MYO18A: variants seen among roughly 807,000 people sequenced by gnomAD.
MYO18A encodes unconventional myosin-XVIIIa.
Under a neutral mutation model 235.8 loss-of-function variants are expected in MYO18A, and 78 were observed. The ratio of observed to expected loss-of-function variants is 0.33; its 90% CI spans 0.28 to 0.40. The LOEUF is 0.40. Ranked by LOEUF, MYO18A falls within the 10% of genes least tolerant of loss-of-function variation. MYO18A has a pLI of 1.00. For synonymous variants in MYO18A, 977 were observed against 1,077.8 expected, an observed-to-expected ratio of 0.91 and a Z score of 1.83; for missense variants, 2,215 against 2,699.3, an observed-to-expected ratio of 0.82 and a Z score of 3.98.
chr17:29,082,003 G>A lies in MYO18A; in HGVS notation c.6020+313C>T, dbSNP rs963579701. ...GTCCCCTGTGCCCCATCCCAGTTTT[G>A]ATTCCAAGGGTCTGAACTATCAGGA... On this transcript the variant is annotated intron_variant, in intron 41 of 41. Coordinates refer to ENST00000527372, the MANE Select transcript of MYO18A (RefSeq NM_078471.4). Among the ~76,000 whole-genome samples, 5 of 152,322 alleles carry A rather than the reference G, an allele frequency of 3.3e-5. No homozygotes were observed. In the East Asian group the frequency reaches 9.6e-4, roughly 29 times the overall value.
intron 2 of MYO18A, among the ~76,000 whole-genome samples, chr17:29,157,800 G>A (rs756957315): frequency 1.3e-5 from 2 of 150,130 alleles, no homozygotes; most frequent in African/African-American, 2.5e-5. Flanking sequence ...TTTTTCTTTC[G>A]AGACAGGGTC....
intron 1 of MYO18A, among the ~76,000 whole-genome samples, chr17:29,175,232 G>A (rs2068496581): frequency 6.6e-6 from 1 of 152,074 alleles, no homozygotes; most frequent in African/African-American, 2.4e-5. Context: ...TGGATTATAG[G>A]CATGGGCCAC....
rs918540987 is a variant in MYO18A at position 29,074,734 on chromosome 17, C to A, written c.*36G>T. On this transcript the variant is annotated 3_prime_UTR_variant, in exon 42 of 42. Coordinates refer to ENST00000527372, the MANE Select transcript of MYO18A (RefSeq NM_078471.4). The surrounding 1 kb of genome is among the most constrained non-coding windows in gnomAD (Gnocchi z 4.4). ...GGAGAGGTGCCCAGGCAGCCACAGGCCCTGGGGTGAGAGGGCTGCCAACCA... is the reference window on the plus strand; with the variant it reads ...GGAGAGGTGCCCAGGCAGCCACAGGACCTGGGGTGAGAGGGCTGCCAACCA... The A allele has an allele frequency of 6.2e-7, 1 of 1,610,746 alleles. No homozygotes were observed. Among genetic ancestry groups the A allele is most frequent in the African/African-American group, 1.3e-5 (1 of 74,856 alleles).
At chr17:29,082,198 C>G in intron 41 of MYO18A, 118 bp downstream of exon 41, 1 of 1,361,052 alleles carries the variant, frequency 7.3e-7, no homozygotes, top group South Asian at 1.3e-5. Context: ...ATGCCCGGGC[C>G]GCAGTCACAA....
chr17:29,086,686 C>T (rs1407640830), intron 38 of MYO18A, 109 bp from the exon 39 acceptor site: 2 of 1,394,450 alleles, frequency 1.4e-6, no homozygotes, highest in Non-Finnish European at 1.9e-6. Flanking sequence ...TACCTGAGGG[C>T]TGACACAGGC....
intron 2 of MYO18A, among the ~76,000 whole-genome samples, chr17:29,160,196 A>G (rs1378233514): frequency 6.6e-6 from 1 of 152,208 alleles, no homozygotes; most frequent in African/African-American, 2.4e-5. Flanking sequence ...TACCTTATAT[A>G]AAGACCCACA....
chr17:29,086,952 C>T lies in MYO18A; in HGVS notation c.5696G>A (p.Arg1899His), dbSNP rs769195242. Residue 1899 changes from arginine (R) to histidine (H), a missense_variant, in exon 38 of 42, where the codon CGC becomes CAC. Coordinates refer to ENST00000527372, the MANE Select transcript of MYO18A (RefSeq NM_078471.4). ...ELARKEAEAS[R>H]KKHELEMDLE... is the part of the protein sequence containing the mutation. Reference sequence around the variant, plus strand: ...GGGCATTACCAGTTCGTGCTTCTTGCGGCTCGCCTCGGCCTCCTTCCTGGC... The same window carrying T: ...GGGCATTACCAGTTCGTGCTTCTTGTGGCTCGCCTCGGCCTCCTTCCTGGC... 20 of 1,609,568 alleles carry T rather than the reference C, an allele frequency of 1.2e-5. No homozygotes were observed. The highest frequency in any genetic ancestry group is 3.3e-4 in the Middle Eastern group (2 of 6,060).
chr17:29,096,629 G>T (rs2066524345), intron 28 of MYO18A, 132 bp downstream of exon 28: 1 of 1,180,686 alleles, frequency 8.5e-7, no homozygotes, highest in Non-Finnish European at 1.1e-6. Context: ...GTTCCAAGAT[G>T]AGTGACCAGG....
chr17:29,079,750 T>G (rs2066070320), intron 41 of MYO18A: 1 of 985,964 alleles, frequency 1.0e-6, no homozygotes, highest in Admixed American at 6.1e-5. Context: ...CTCGGGCCGG[T>G]ACAGGTACCG....
chr17:29,100,393 C>A (rs1383121388), intron 21 of MYO18A, among the ~76,000 whole-genome samples: 1 of 152,232 alleles, frequency 6.6e-6, no homozygotes, highest in Non-Finnish European at 1.5e-5. Flanking sequence ...GTGCCACCCC[C>A]CAACACACAC....
At chr17:29,116,032 A>C (rs1645399430) in intron 11 of MYO18A, among the ~76,000 whole-genome samples, 192 bp from the exon 12 acceptor site, 1 of 152,254 alleles carries the variant, frequency 6.6e-6, no homozygotes, top group African/African-American at 2.4e-5. Context: ...GATGGAGAGA[A>C]TGAGCAGGTC....
chr17:29,112,508 C>G (rs1460775438), intron 15 of MYO18A, among the ~76,000 whole-genome samples: 8 of 152,250 alleles, frequency 5.3e-5, no homozygotes, highest in Non-Finnish European at 7.3e-5. Context: ...TGAGCTGCAG[C>G]TAGCTGCTCT....
chr17:29,093,829 T>G (rs2066457861), intron 31 of MYO18A, 151 bp downstream of exon 31: 1 of 628,440 alleles, frequency 1.6e-6, no homozygotes, highest in Non-Finnish European at 2.8e-6. Flanking sequence ...CAATACATCC[T>G]GCCAATGCTA....
At chr17:29,175,113 ATT>A (rs894941401) in intron 1 of MYO18A, among the ~76,000 whole-genome samples, 1 of 151,586 alleles carries the variant, frequency 6.6e-6, no homozygotes, top group African/African-American at 2.4e-5. Flanking sequence ...CCATATTTTA[ATT>A]TTTTTTCTTT....
At chr17:29,092,607 G>A (rs1197647253) in intron 33 of MYO18A, among the ~76,000 whole-genome samples, 151 bp from the exon 34 acceptor site, 5 of 152,148 alleles carry the variant, frequency 3.3e-5, no homozygotes, top group African/African-American at 4.8e-5. Context: ...TGGTGCACGC[G>A]TGGGGATCTC....
intron 2 of MYO18A, chr17:29,131,235 C>T (rs980580239): frequency 3.3e-5 from 9 of 271,770 alleles, no homozygotes; most frequent in Non-Finnish European, 5.1e-5. Flanking sequence ...CTGCAATCCC[C>T]ACCTACTCCA....
At chr17:29,136,250 A>AAAAAAAATAT (rs1483354837) in intron 2 of MYO18A, among the ~76,000 whole-genome samples, 3 of 82,472 alleles carry the variant, frequency 3.6e-5, no homozygotes, top group Non-Finnish European at 7.2e-5. Flanking sequence ...AAAAAAAAAA[A>AAAAAAAATAT]ATATATATAT....
At position 29,118,827 on chromosome 17, in the gene MYO18A, C is replaced by A. The variant is rs1189204035; in HGVS notation, c.1830-387G>T. 6.6e-6 allele frequency among the ~76,000 whole-genome samples: 1 copy of A among 152,208 alleles called. No homozygotes were observed. The highest frequency in any genetic ancestry group is 2.4e-5 in the African/African-American group (1 of 41,442). On this transcript the variant is annotated intron_variant, in intron 8 of 41. Transcript: ENST00000527372. This position sits in a 1 kb window ranked among gnomAD's most constrained non-coding sequence, Gnocchi z 4.2. ...CATTTATCTCTTTTTAGTGAACACA[C>A]GCGGCAAATCTGAATGTCTGAAGGG...
intron 2 of MYO18A, among the ~76,000 whole-genome samples, chr17:29,139,132 C>G (rs1004167172): frequency 2.0e-5 from 3 of 151,970 alleles, no homozygotes; most frequent in Non-Finnish European, 4.4e-5. Context: ...GCCGGGCACC[C>G]GCCTCACTGC....
Sources: gnomAD v4.1 joint callset for allele counts (sites outside exome capture counted in the v4.1 genomes callset) on GRCh38, gnomAD v4.1.1 for gene constraint, Gnocchi (gnomAD v3.1) non-coding constraint, MANE v1.5 for transcripts, NCBI Gene and HGNC (gene_info 2026-07-23, HGNC 2026-07-21) for gene names.